Variants in ITCH observed in about 807,000 individuals in gnomAD.
ITCH encodes the protein E3 ubiquitin-protein ligase Itchy homolog.
A neutral mutation model predicts 126.8 loss-of-function variants in ITCH; 28 were observed. That is an observed-to-expected ratio of 0.22 (90% confidence interval 0.16 to 0.30). The LOEUF (loss-of-function observed/expected upper bound fraction) is 0.30. Among genes scored for constraint, ITCH ranks in the 10% least tolerant of loss-of-function variants. ITCH has a pLI of 1.00. For missense variants in ITCH, 631 were observed against 1,032.4 expected, an observed-to-expected ratio of 0.61 and a Z score of 5.33; for synonymous variants, 342 against 340.0, an observed-to-expected ratio of 1.01 and a Z score of -0.06.
intron 7 of ITCH, among the ~76,000 whole-genome samples, chr20:34,430,655 G>A (rs1478844274): frequency 6.6e-6 from 1 of 152,092 alleles, no homozygotes; most frequent in Non-Finnish European, 1.5e-5. Flanking sequence ...TGTATTTTTA[G>A]TAGAGATGGG....
At position 34,420,065 on chromosome 20, in the gene ITCH, GCTT is replaced by G. The variant is rs1980551618; in HGVS notation, c.476-4410_476-4408del. 2.0e-5 allele frequency among the ~76,000 whole-genome samples: 3 copies of G among 152,038 alleles called. No individual in the cohort carries two copies. In the South Asian group the frequency reaches 6.2e-4, roughly 32 times the overall value. The stretch of plus-strand genomic sequence containing the variant: ...TATTTTCAGCTTTACAATATTAATT[GCTT>G]CTTCAAATATGCTATTAGGATATTT... On this transcript the variant is annotated intron_variant, in intron 6 of 24. Coordinates refer to ENST00000374864, the MANE Select transcript of ITCH (RefSeq NM_031483.7).
intron 22 of ITCH, among the ~76,000 whole-genome samples, chr20:34,491,545 TA>T (rs1989510830): frequency 6.6e-6 from 1 of 151,034 alleles, no homozygotes; most frequent in Non-Finnish European, 1.5e-5. Context: ...ATCGAGAATT[TA>T]TGTTGTGTAT....
intron 14 of ITCH, chr20:34,466,283 T>C (rs528820068): frequency 4.2e-6 from 2 of 474,376 alleles, no homozygotes; most frequent in Admixed American, 4.7e-5. Flanking sequence ...GTCAAAAGGA[T>C]TAAAGTGTGC....
At chr20:34,386,951 A>G (rs2038304721) in intron 2 of ITCH, among the ~76,000 whole-genome samples, 1 of 152,084 alleles carries the variant, frequency 6.6e-6, no homozygotes, top group African/African-American at 2.4e-5. Context: ...CCTTCTTTCT[A>G]TATTGGGCAT....
chr20:34,385,569 G>T (rs528412604), intron 2 of ITCH, among the ~76,000 whole-genome samples: 2 of 152,118 alleles, frequency 1.3e-5, no homozygotes, highest in African/African-American at 4.8e-5. Context: ...TTGTCAGAAA[G>T]CTGTTTGTCA....
chr20:34,397,430 T>G (rs1025289328), intron 3 of ITCH, among the ~76,000 whole-genome samples: 5 of 152,208 alleles, frequency 3.3e-5, no homozygotes, highest in African/African-American at 1.2e-4. Flanking sequence ...CTCTCTCCCT[T>G]TAATTTGATA....
chr20:34,461,001 G>T (rs1055138138), intron 13 of ITCH, among the ~76,000 whole-genome samples: 11 of 151,998 alleles, frequency 7.2e-5, no homozygotes, highest in African/African-American at 2.7e-4. Flanking sequence ...ACCCTGGGCA[G>T]CAGAGTGAGA....
chr20:34,425,278 G>A (rs1315324656), intron 7 of ITCH, among the ~76,000 whole-genome samples: 1 of 152,148 alleles, frequency 6.6e-6, no homozygotes, highest in African/African-American at 2.4e-5. Context: ...ATTAACCACG[G>A]ACACAATGCA....
chr20:34,477,255 G>T (rs1028916335), intron 16 of ITCH, among the ~76,000 whole-genome samples: 1 of 152,198 alleles, frequency 6.6e-6, no homozygotes, highest in Admixed American at 6.5e-5. Context: ...TCACGGCCGG[G>T]CATGATGGCT....
chr20:34,509,582 G>A lies in ITCH; in HGVS notation c.*1788G>A, dbSNP rs996920465. Reference sequence around the variant, plus strand: ...CTCATCAAGCAGCTCAGTGTAAATGGGGAGGCTAGGCTCTCCCCAGCCCTA... The same window carrying A: ...CTCATCAAGCAGCTCAGTGTAAATGAGGAGGCTAGGCTCTCCCCAGCCCTA... On this transcript the variant is annotated 3_prime_UTR_variant, in exon 25 of 25. Coordinates refer to ENST00000374864, the MANE Select transcript of ITCH (RefSeq NM_031483.7). The A allele has an allele frequency of 1.3e-5, 2 of 152,534 alleles. No homozygotes were observed. Among genetic ancestry groups the A allele is most frequent in the African/African-American group, 4.8e-5 (2 of 41,418 alleles). The allele number at this position is 152,534 out of a possible 1,614,324, so 9.4% of individuals were successfully genotyped here. A position where few individuals can be genotyped will look rare whatever the true frequency, so the allele number is the denominator to read the frequency against.
chr20:34,508,110 G>A lies in ITCH; in HGVS notation c.*316G>A, dbSNP rs1182007736. The A allele has an allele frequency of 8.9e-6, 3 of 338,290 alleles. No individual in the cohort carries two copies. Among genetic ancestry groups the A allele is most frequent in the Non-Finnish European group, 1.1e-5 (2 of 174,366 alleles). 21.0% of individuals were successfully genotyped at this position (338,290 alleles called of 1,614,324 possible). Reference sequence around the variant, plus strand: ...TGTGTGTCAAAAGTCTCACTTGGGAGTAGTGTTTTTTTCTTTTAGACATTC... The same window carrying A: ...TGTGTGTCAAAAGTCTCACTTGGGAATAGTGTTTTTTTCTTTTAGACATTC... On this transcript the variant is annotated 3_prime_UTR_variant, in exon 25 of 25. Transcript: ENST00000374864.
Position 34,438,493 on chromosome 20 carries a change from G to C in ITCH, c.541G>C (p.Asp181His), listed in dbSNP as rs200506310. 48 of 1,613,906 alleles carry C rather than the reference G, an allele frequency of 3.0e-5. No homozygotes were observed. In the East Asian group the frequency reaches 8.9e-4, roughly 30 times the overall value. ...DETRVSTNGS[D>H]DPEDAGAGEN... is the part of the protein sequence containing the mutation. ...ACCCAGAGTGAGCACAAATGGATCA[G>C]ATGACCCTGAAGATGCAGGAGCTGG... The change falls in exon 8 of 25, where the codon GAT becomes CAT. Residue 181 changes from aspartate to histidine, a missense_variant. Asp to His is a moderately conservative substitution (Grantham distance 81). This residue lies in a region of ITCH where 220 missense variants were observed against 265.7 expected (regional missense o/e 0.83). Coordinates refer to ENST00000374864, the MANE Select transcript of ITCH (RefSeq NM_031483.7).
chr20:34,436,469 TG>T (rs899510455), intron 7 of ITCH, among the ~76,000 whole-genome samples: 1 of 152,232 alleles, frequency 6.6e-6, no homozygotes, highest in Non-Finnish European at 1.5e-5. Flanking sequence ...AGTCTTAAAA[TG>T]GTTTTGGAAA....
intron 3 of ITCH, chr20:34,402,704 A>T: frequency 2.2e-6 from 1 of 463,850 alleles, no homozygotes; most frequent in South Asian, 2.2e-5. Flanking sequence ...CATTGCTGAA[A>T]TAGTTTTGTA....
chr20:34,489,986 C>A, intron 22 of ITCH, 60 bp downstream of exon 22: 1 of 1,261,258 alleles, frequency 7.9e-7, no homozygotes. Context: ...AATTTGCTTA[C>A]CACATATGGA....
intron 10 of ITCH, among the ~76,000 whole-genome samples, chr20:34,443,752 A>C (rs1293609443): frequency 6.6e-6 from 1 of 152,116 alleles, no homozygotes; most frequent in African/African-American, 2.4e-5. Context: ...TGGGGGGACA[A>C]GGTAGGATGG....
intron 4 of ITCH, among the ~76,000 whole-genome samples, chr20:34,410,660 G>T (rs1407033305): frequency 6.6e-6 from 1 of 152,094 alleles, no homozygotes; most frequent in Non-Finnish European, 1.5e-5. Flanking sequence ...GATTAACCAG[G>T]GCAAAGTAGC....
intron 7 of ITCH, among the ~76,000 whole-genome samples, chr20:34,427,045 A>AT (rs1368630654): frequency 3.3e-5 from 5 of 152,192 alleles, no homozygotes; most frequent in Non-Finnish European, 7.3e-5. Context: ...AAGTGCTGGG[A>AT]TTACAGGCAT....
intron 14 of ITCH, chr20:34,466,436 AC>A: frequency 2.0e-6 from 1 of 505,072 alleles, no homozygotes; most frequent in South Asian, 1.6e-5. Flanking sequence ...CTAATTTTAT[AC>A]TTCTACACAT....
Sources: allele counts gnomAD v4.1 joint callset (sites outside exome capture counted in the v4.1 genomes callset), GRCh38; gene constraint gnomAD v4.1.1; regional missense constraint gnomAD v4.1.1; transcripts MANE v1.5; gene names NCBI Gene and HGNC (gene_info 2026-07-23, HGNC 2026-07-21).